UNC13D: variants seen among roughly 807,000 people sequenced by gnomAD.
UNC13D encodes the protein protein unc-13 homolog D.
In UNC13D, 115 loss-of-function variants were observed where a neutral mutation model predicts 151.7. That is an observed-to-expected ratio of 0.76 (90% CI 0.65 to 0.88). The LOEUF is 0.88. Ranked by LOEUF, UNC13D falls within the 40% of genes least tolerant of loss-of-function variation. UNC13D has a pLI of 0.00. For synonymous variants in UNC13D, 588 were observed against 612.2 expected (o/e 0.96, Z 0.58); for missense variants, 1,369 against 1,438.7 (o/e 0.95, Z 0.78).
intron 6 of UNC13D, 134 bp from the exon 7 acceptor site, chr17:75,841,135 CTTTTTTTTTTTTT>C (rs34691954): frequency 6.5e-6 from 2 of 306,210 alleles, no homozygotes; most frequent in East Asian, 7.7e-5. Context: ...AGCCGCATCC[CTTTTTTTTTTTTT>C]TTTTTTTTTT....
chr17:75,827,467 C>G lies in UNC13D; in HGVS notation c.*498G>C. 6.8e-7 allele frequency: 1 copy of G among 1,465,580 alleles called. No individual in the cohort carries two copies. Among genetic ancestry groups the G allele is most frequent in the Non-Finnish European group, 9.0e-7 (1 of 1,109,486 alleles). 90.8% of individuals were successfully genotyped at this position (1,465,580 alleles called of 1,614,324 possible). A position where few individuals can be genotyped will look rare whatever the true frequency, so the allele number is the denominator to read the frequency against. ...GCCCCTGGGGAGAGGACCCAGGCCC[C>G]CTCTAGTAATGGCCACCACCCTCCC... On this transcript the variant is annotated 3_prime_UTR_variant, in exon 32 of 32. Transcript: ENST00000207549.
At chr17:75,828,154 AGT>A in intron 31 of UNC13D, 68 bp from the exon 32 acceptor site, 2 of 1,541,826 alleles carry the variant, frequency 1.3e-6, no homozygotes, top group Non-Finnish European at 1.8e-6. Flanking sequence ...GGCAGAGAAG[AGT>A]GTGTGGGGGG....
At position 75,834,120 on chromosome 17, in the gene UNC13D, G is replaced by A; in HGVS notation, c.2322C>T (p.His774=). ...AEQLEVGIAK[H]IQKLVGVRES... ...CCCTGACGCCCACCAGTTTCTGGAT[G>A]TGCTTGGCGATGCCCACCTCCAACT... The change falls in exon 24 of 32, where the codon CAC becomes CAT. Residue 774 remains histidine, a synonymous_variant. Coordinates refer to ENST00000207549, the MANE Select transcript of UNC13D (RefSeq NM_199242.3). 6.2e-7 allele frequency: 1 copy of A among 1,613,846 alleles called. No homozygotes were observed.
chr17:75,843,702 C>G, intron 1 of UNC13D, 183 bp from the exon 2 acceptor site: 1 of 1,455,740 alleles, frequency 6.9e-7, no homozygotes, highest in Non-Finnish European at 9.0e-7. Context: ...CGTCCCTGGG[C>G]CCGCCGTGGC....
At position 75,827,897 on chromosome 17, in the gene UNC13D, C is replaced by T. The variant is rs1217928786; in HGVS notation, c.*68G>A. The T allele has an allele frequency of 9.0e-6, 14 of 1,562,206 alleles. No homozygotes were observed. The highest frequency in any genetic ancestry group is 2.4e-5 in the East Asian group (1 of 41,872). On this transcript the variant is annotated 3_prime_UTR_variant, in exon 32 of 32. Transcript: ENST00000207549. ...GAGGGCCGCGATGTGGCGGGGAAGCCCCAGACCCTACAGGAAAGCCCTTGC... is the reference window on the plus strand; with the variant it reads ...GAGGGCCGCGATGTGGCGGGGAAGCTCCAGACCCTACAGGAAAGCCCTTGC...
intron 30 of UNC13D, 170 bp downstream of exon 30, chr17:75,829,858 G>T: frequency 2.9e-6 from 3 of 1,052,508 alleles, no homozygotes; most frequent in Non-Finnish European, 2.7e-6. Context: ...GATGACAGGT[G>T]TGAGCCACCA....
At chr17:75,831,389 G>T in intron 25 of UNC13D, 41 bp from the exon 26 acceptor site, 1 of 1,575,572 alleles carries the variant, frequency 6.3e-7, no homozygotes. Context: ...GCACGGCAGG[G>T]CGGTGGCGGA....
At position 75,835,708 on chromosome 17, in the gene UNC13D, G is replaced by C. The variant is rs1222396932; in HGVS notation, c.1666C>G (p.Leu556Val). ...TTGAGGCTGATGTAGAGCTGGAACA[G>C]ACTCTCGCCCATCTCTGGGGACACT... The part of the protein sequence containing the change: ...DVVSPEMGES[L>V]FQLYISLKEL... The change falls in exon 19 of 32, where the codon CTG (leucine) becomes GTG (valine). Residue 556 changes from leucine to valine, a missense_variant. By Grantham distance (32) the Leu-to-Val change is conservative (BLOSUM62 1). Coordinates refer to ENST00000207549, the MANE Select transcript of UNC13D (RefSeq NM_199242.3). The C allele has an allele frequency of 1.9e-6, 3 of 1,613,630 alleles. No homozygotes were observed. Among genetic ancestry groups the C allele is most frequent in the Non-Finnish European group, 2.5e-6 (3 of 1,180,032 alleles).
chr17:75,839,294 C>T (rs1184578064), intron 12 of UNC13D, among the ~76,000 whole-genome samples: 3 of 151,392 alleles, frequency 2.0e-5, no homozygotes, highest in Non-Finnish European at 4.4e-5. Context: ...CCCAGCTACT[C>T]GGGAGGCTGA....
Position 75,836,248 on chromosome 17 carries a change from G to A in UNC13D, c.1398C>T (p.Thr466=). The change falls in exon 16 of 32, where the codon ACC becomes ACT. Residue 466 remains threonine (T), a synonymous_variant. Coordinates refer to ENST00000207549, the MANE Select transcript of UNC13D (RefSeq NM_199242.3). ...QLVTEALQTG[T]TEWFHLKQQH... is the part of the protein sequence containing the mutation. ...GCTGCTTCAGGTGGAACCATTCAGTGGTGCCAGTCTGTCGACAAAGAGGCA... is the reference window on the plus strand; with the variant it reads ...GCTGCTTCAGGTGGAACCATTCAGTAGTGCCAGTCTGTCGACAAAGAGGCA... 1.2e-6 allele frequency: 2 copies of A among 1,612,820 alleles called. No homozygotes were observed. Among genetic ancestry groups the A allele is most frequent in the Non-Finnish European group, 1.7e-6 (2 of 1,179,652 alleles).
At chr17:75,842,351 C>A in intron 6 of UNC13D, 82 bp downstream of exon 6, 1 of 1,542,000 alleles carries the variant, frequency 6.5e-7, no homozygotes, top group East Asian at 2.3e-5. Context: ...GCCAGGACGA[C>A]CTACTCATCT....
At position 75,827,411 on chromosome 17, in the gene UNC13D, G is replaced by A; in HGVS notation, c.*554C>T. 3 of 1,405,462 alleles carry A rather than the reference G, an allele frequency of 2.1e-6. No homozygotes were observed. The highest frequency in any genetic ancestry group is 2.8e-6 in the Non-Finnish European group (3 of 1,079,716). 87.1% of individuals were successfully genotyped at this position (1,405,462 alleles called of 1,614,324 possible). On this transcript the variant is annotated 3_prime_UTR_variant, in exon 32 of 32. Transcript: ENST00000207549. ...GCTCCCTCAGAGCCAGAAGGTTCTTGGCTCCAGGCTTCCTGGCCTGGATGC... is the reference window on the plus strand; with the variant it reads ...GCTCCCTCAGAGCCAGAAGGTTCTTAGCTCCAGGCTTCCTGGCCTGGATGC...
rs1367748887 is a variant in UNC13D, at chr17:75,843,165, C to T, written c.255G>A (p.Leu85=). ...GGGTGGGAGCCGGGCTCACCTCCTGCAGGTATCGCAGCAGCTCAGAGGCCT... is the reference window on the plus strand; with the variant it reads ...GGGTGGGAGCCGGGCTCACCTCCTGTAGGTATCGCAGCAGCTCAGAGGCCT... The part of the protein sequence containing the change: ...VTEASELLRY[L]QEAFHVEPEE... The change falls in exon 3 of 32, where the codon CTG becomes CTA. Residue 85 remains leucine (L), a synonymous_variant. Transcript: ENST00000207549. 2.5e-6 allele frequency: 4 copies of T among 1,612,032 alleles called. No individual in the cohort carries two copies. The highest frequency in any genetic ancestry group is 2.5e-6 in the Non-Finnish European group (3 of 1,179,946).
rs2064906536 is a variant in UNC13D, at chr17:75,836,065, A to T, written c.1491T>A (p.Asp497Glu). The T allele has an allele frequency of 6.2e-7, 1 of 1,613,686 alleles. No homozygotes were observed. Among genetic ancestry groups the T allele is most frequent in the Non-Finnish European group, 8.5e-7 (1 of 1,180,026 alleles). ...AGKALLGLVQ[D>E]VIGDLHQCQR... ...GGCACTGGTGCAGGTCGCCAATGAC[A>T]TCCTGTACCAGGCCCAGCAAGGCCT... Residue 497 changes from aspartate (D) to glutamate (E), a missense_variant, in exon 17 of 32, where the codon GAT (aspartate) becomes GAA (glutamate). Physicochemically the swap from Asp to Glu is conservative, Grantham distance 45. Transcript: ENST00000207549.
chr17:75,835,142 A>G, intron 20 of UNC13D, 79 bp from the exon 21 acceptor site: 3 of 1,581,148 alleles, frequency 1.9e-6, no homozygotes, highest in Admixed American at 1.8e-5. Flanking sequence ...AGCAGCTACC[A>G]TCACCAGGCA....
In UNC13D at chr17:75,831,084, C is replaced by T. The variant is rs2064869179; in HGVS notation, c.2625+14G>A. ...CCCAGACTTCCTACGGGGAAGCTCA[C>T]CCAAAGCCCCTACCTGGAAGGTGGC... is the stretch of plus-strand genomic sequence containing the variant. On this transcript the variant is annotated intron_variant, in intron 27 of 31. Coordinates refer to ENST00000207549, the MANE Select transcript of UNC13D (RefSeq NM_199242.3). The T allele has an allele frequency of 6.2e-7, 1 of 1,613,610 alleles. No homozygotes were observed. The highest frequency in any genetic ancestry group is 1.3e-5 in the African/African-American group (1 of 74,940).
At chr17:75,836,133 G>T (rs746498282) in intron 16 of UNC13D, 24 bp from the exon 17 acceptor site, 1 of 1,612,754 alleles carries the variant, frequency 6.2e-7, no homozygotes, top group Non-Finnish European at 8.5e-7. Context: ...GGTGGGCTGG[G>T]CAGGGCTGCC....
At position 75,828,853 on chromosome 17, in the gene UNC13D, T is replaced by C; in HGVS notation, c.3085A>G (p.Ser1029Gly). 6.3e-7 allele frequency: 1 copy of C among 1,589,766 alleles called. No homozygotes were observed. Among genetic ancestry groups the C allele is most frequent in the Non-Finnish European group, 8.5e-7 (1 of 1,170,702 alleles). Residue 1029 changes from serine to glycine, a missense_variant, in exon 31 of 32, where the codon AGT (serine) becomes GGT (glycine). Ser to Gly is a moderately conservative substitution (Grantham distance 56). This residue lies in a region of UNC13D where 807 missense variants were observed against 795.5 expected (regional missense o/e 1.01). Coordinates refer to ENST00000207549, the MANE Select transcript of UNC13D (RefSeq NM_199242.3). ...FLPLREVPGL[S>G]GSEEPGEVPQ... ...ACCTCACCAGGCTCCTCAGAGCCAC[T>C]CAGCCCGGGCACCTCACGCAGCGGC... is the stretch of plus-strand genomic sequence containing the variant.
intron 30 of UNC13D, chr17:75,829,788 G>C (rs1599402808): frequency 2.0e-6 from 1 of 496,304 alleles, no homozygotes; most frequent in East Asian, 4.1e-5. Flanking sequence ...CTGTTGGCCA[G>C]GCTGGTCTTG....
Sources: allele counts gnomAD v4.1 joint callset (sites outside exome capture counted in the v4.1 genomes callset), GRCh38; gene constraint gnomAD v4.1.1; regional missense constraint gnomAD v4.1.1; transcripts MANE v1.5; gene names NCBI Gene and HGNC (gene_info 2026-07-23, HGNC 2026-07-21).